BRCA2: variants seen among roughly 807,000 people sequenced by gnomAD.
BRCA2 encodes the protein breast cancer type 2 susceptibility protein.
Under a neutral mutation model 276.7 loss-of-function variants are expected in BRCA2, and 203 were observed. That is an observed-to-expected ratio of 0.73 (90% CI 0.65 to 0.82). The LOEUF (loss-of-function observed/expected upper bound fraction) is 0.82. BRCA2 is among the 40% of genes least tolerant of loss of function. The pLI is 0.00. For synonymous variants in BRCA2, 1,289 were observed against 1,338.4 expected, an observed-to-expected ratio of 0.96 and a Z score of 0.81; for missense variants, 3,920 against 3,915.0, an observed-to-expected ratio of 1.00 and a Z score of -0.03.
chr13:32,341,053 C>A lies in BRCA2; in HGVS notation c.6698C>A (p.Ala2233Asp), dbSNP rs41293501. ...ACAGAAGCAGTAGAAATTGCTAAAG[C>A]TTTTATGGAAGATGATGAACTGACA... ...FETEAVEIAK[A>D]FMEDDELTDS... Residue 2233 changes from alanine to aspartate, a missense_variant, in exon 11 of 27, where the codon GCT becomes GAT. Physicochemically the swap from Ala to Asp is moderately radical, Grantham distance 126 (BLOSUM62 -2). Transcript: ENST00000380152. The A allele has an allele frequency of 1.9e-5, 31 of 1,613,926 alleles. 1 individual carries two copies. Among genetic ancestry groups the A allele is most frequent in the Non-Finnish European group, 2.2e-5 (26 of 1,179,920 alleles).
At chr13:32,320,707 A>G (rs1476485477) in intron 3 of BRCA2, among the ~76,000 whole-genome samples, 2 of 152,230 alleles carry the variant, frequency 1.3e-5, no homozygotes, top group Non-Finnish European at 2.9e-5. Context: ...AATATAGGTA[A>G]TGGGCAAATA....
At chr13:32,326,655 G>A (rs2072351993) in intron 7 of BRCA2, 42 bp downstream of exon 7, 1 of 1,413,162 alleles carries the variant, frequency 7.1e-7, no homozygotes, top group South Asian at 1.2e-5. Flanking sequence ...GAGCAGATGA[G>A]GTTGATAATT....
At chr13:32,336,099 C>T (rs1566225655) in intron 10 of BRCA2, among the ~76,000 whole-genome samples, 166 bp from the exon 11 acceptor site, 1 of 152,088 alleles carries the variant, frequency 6.6e-6, no homozygotes, top group Non-Finnish European at 1.5e-5. Flanking sequence ...AGGCTAGTCT[C>T]GAACTCCTGG....
intron 10 of BRCA2, 65 bp from the exon 11 acceptor site, chr13:32,336,200 G>C (rs2137481341): frequency 6.6e-7 from 1 of 1,517,346 alleles, no homozygotes; most frequent in Non-Finnish European, 8.9e-7. Flanking sequence ...TTAACTTAGT[G>C]AAAAATATTT....
intron 11 of BRCA2, among the ~76,000 whole-genome samples, chr13:32,341,725 G>C (rs1388908994): frequency 1.3e-5 from 2 of 151,760 alleles, no homozygotes; most frequent in Non-Finnish European, 2.9e-5. Context: ...AAAATTAGCC[G>C]GGCGTAGTGG....
At chr13:32,362,421 A>T (rs1418891456) in intron 16 of BRCA2, 102 bp from the exon 17 acceptor site, 6 of 1,150,382 alleles carry the variant, frequency 5.2e-6, no homozygotes, top group Non-Finnish European at 7.7e-6. Context: ...AAACTTAATG[A>T]TCTTGAACAA....
intron 24 of BRCA2, chr13:32,385,602 T>C: frequency 3.7e-6 from 1 of 269,830 alleles, no homozygotes; most frequent in South Asian, 5.6e-5. Context: ...ACAAGCAGCC[T>C]AGAGGGCAGA....
At chr13:32,319,000 T>C in intron 2 of BRCA2, 77 bp from the exon 3 acceptor site, 1 of 1,566,948 alleles carries the variant, frequency 6.4e-7, no homozygotes. Flanking sequence ...TTTTTTTCCT[T>C]ATGATCTTTA....
At chr13:32,316,576 T>C (rs1424465113) in intron 2 of BRCA2, 49 bp downstream of exon 2, 2 of 1,532,226 alleles carry the variant, frequency 1.3e-6, no homozygotes, top group East Asian at 4.6e-5. Context: ...AGAAAGTGTT[T>C]TCTAAAAAAT....
At chr13:32,317,939 G>A (rs2072275531) in intron 2 of BRCA2, among the ~76,000 whole-genome samples, 1 of 152,180 alleles carries the variant, frequency 6.6e-6, no homozygotes, top group Admixed American at 6.5e-5. Flanking sequence ...AGGCAGTATT[G>A]TACTTCAGTA....
chr13:32,390,558 C>A (rs988183001), intron 24 of BRCA2, among the ~76,000 whole-genome samples: 1 of 152,136 alleles, frequency 6.6e-6, no homozygotes, highest in African/African-American at 2.4e-5. Context: ...TGCATAGATG[C>A]TCTTTTGTTC....
intron 17 of BRCA2, 44 bp downstream of exon 17, chr13:32,362,737 G>A (rs2137578290): frequency 6.2e-7 from 1 of 1,603,534 alleles, no homozygotes; most frequent in Non-Finnish European, 8.5e-7. Flanking sequence ...ACGGCAGTAT[G>A]GTTAAGGTTT....
chr13:32,371,286 T>C (rs928133980), intron 20 of BRCA2, among the ~76,000 whole-genome samples, 186 bp downstream of exon 20: 2 of 152,112 alleles, frequency 1.3e-5, no homozygotes, highest in Admixed American at 6.5e-5. Context: ...GACAGAAATA[T>C]CAGGTCTAAG....
At chr13:32,394,628 G>C (rs2137651347) in intron 24 of BRCA2, 61 bp from the exon 25 acceptor site, 1 of 1,556,906 alleles carries the variant, frequency 6.4e-7, no homozygotes. Flanking sequence ...TTCCTTTCTT[G>C]CATCTTAAAA....
chr13:32,359,696 T>C lies in BRCA2; in HGVS notation c.7805+1767T>C, dbSNP rs11571711. ...ATCTTATATAACAAACATCTGCTTA[T>C]AGATTCCAGTAAGAAAAGTTGGTTA... is the stretch of plus-strand genomic sequence containing the variant. On this transcript the variant is annotated intron_variant, in intron 16 of 26. Transcript: ENST00000380152. Among the ~76,000 whole-genome samples, 216 of 152,372 alleles carry C rather than the reference T, an allele frequency of 1.4e-3. No homozygotes were observed. The highest frequency in any genetic ancestry group is 4.5e-3 in the African/African-American group (188 of 41,590).
rs111387957 is a variant in BRCA2 at position 32,397,267 on chromosome 13, G to C, written c.9648+223G>C. Among the ~76,000 whole-genome samples, 191 of 152,300 alleles carry C rather than the reference G, an allele frequency of 1.3e-3. 2 individuals carry two copies. The highest frequency in any genetic ancestry group is 4.3e-3 in the African/African-American group (179 of 41,552). ...TCCAAACAGGTGCTTTCATTTACAT[G>C]TGATTGAAAAGTGTTTTTTGTCATT... On this transcript the variant is annotated intron_variant, in intron 26 of 26. Transcript: ENST00000380152.
intron 18 of BRCA2, among the ~76,000 whole-genome samples, chr13:32,367,531 CAG>C (rs772037397): frequency 7.3e-5 from 11 of 151,388 alleles, no homozygotes; most frequent in Non-Finnish European, 1.6e-4. Context: ...AGCCCAGGCA[CAG>C]TGTCTCACGC....
intron 16 of BRCA2, among the ~76,000 whole-genome samples, chr13:32,359,873 A>G (rs539960134): frequency 6.6e-6 from 1 of 152,204 alleles, no homozygotes; most frequent in Non-Finnish European, 1.5e-5. Flanking sequence ...TGTGCCAGGT[A>G]CTATTCTGGG....
chr13:32,322,709 G>A lies in BRCA2; in HGVS notation c.317-2367G>A, dbSNP rs206070. On this transcript the variant is annotated intron_variant, in intron 3 of 26. Transcript: ENST00000380152. The stretch of plus-strand genomic sequence containing the variant: ...GATTTTGTTTATGGCCAGTTTTGGG[G>A]CCAGTTCCCAACAGCAATATGTGTT... Among the ~76,000 whole-genome samples the A allele has an allele frequency of 0.13, 19,854 of 152,188 alleles. 1,644 individuals carry two copies. The highest frequency in any genetic ancestry group is 0.21 in the Middle Eastern group (63 of 294).
Sources: allele counts gnomAD v4.1 joint callset (sites outside exome capture counted in the v4.1 genomes callset), GRCh38; gene constraint gnomAD v4.1.1; transcripts MANE v1.5; gene names NCBI Gene and HGNC (gene_info 2026-07-23, HGNC 2026-07-21).